ROBO1: variants seen among roughly 807,000 people sequenced by gnomAD.
ROBO1 encodes roundabout homolog 1.
Under a neutral mutation model 195.9 loss-of-function variants are expected in ROBO1, and 149 were observed. The observed-to-expected ratio is 0.76, with a 90% CI of 0.67 to 0.87. The LOEUF is 0.87. ROBO1 is among the 40% of genes least tolerant of loss of function. The pLI is 0.00. For missense variants in ROBO1, 1,933 were observed against 2,068.3 expected, an observed-to-expected ratio of 0.93 and a Z score of 1.27; for synonymous variants, 816 against 733.2, an observed-to-expected ratio of 1.11 and a Z score of -1.82.
At chr3:79,666,910 T>C (rs768888532) in intron 1 of ROBO1, among the ~76,000 whole-genome samples, 1 of 151,932 alleles carries the variant, frequency 6.6e-6, no homozygotes, top group Non-Finnish European at 1.5e-5. Flanking sequence ...ATAAACTAAC[T>C]TTATTTATAC....
intron 3 of ROBO1, among the ~76,000 whole-genome samples, chr3:78,971,090 C>A (rs574811984): frequency 6.6e-6 from 1 of 152,042 alleles, no homozygotes; most frequent in Non-Finnish European, 1.5e-5. Flanking sequence ...TGGGGAAATT[C>A]CTATTAAAAA....
At chr3:78,944,573 C>T (rs2040313503) in intron 3 of ROBO1, among the ~76,000 whole-genome samples, 1 of 152,228 alleles carries the variant, frequency 6.6e-6, no homozygotes, top group Non-Finnish European at 1.5e-5. Context: ...CGGTCTACAG[C>T]TCCCAGGGGG....
chr3:79,201,788 A>C (rs887040727), intron 2 of ROBO1, among the ~76,000 whole-genome samples: 2 of 151,790 alleles, frequency 1.3e-5, no homozygotes, highest in African/African-American at 4.8e-5. Flanking sequence ...AAACTACAGC[A>C]CTTAGCACCT....
At chr3:78,952,692 A>G (rs2040851871) in intron 3 of ROBO1, among the ~76,000 whole-genome samples, 1 of 152,006 alleles carries the variant, frequency 6.6e-6, no homozygotes, top group South Asian at 2.1e-4. Context: ...AACAGTCCAC[A>G]CTCTACAAAA....
chr3:78,867,416 T>C (rs893162333), intron 4 of ROBO1, among the ~76,000 whole-genome samples: 31 of 152,208 alleles, frequency 2.0e-4, no homozygotes, highest in Non-Finnish European at 3.8e-4. Flanking sequence ...TGATTTTTTT[T>C]CCCCTTCTAT....
chr3:79,117,140 G>C (rs185889319), intron 3 of ROBO1, among the ~76,000 whole-genome samples: 1 of 151,998 alleles, frequency 6.6e-6, no homozygotes, highest in Non-Finnish European at 1.5e-5. Flanking sequence ...GCCAAGGTGG[G>C]CGGATTGCCC....
intron 8 of ROBO1, among the ~76,000 whole-genome samples, chr3:78,710,760 C>T (rs2081664132): frequency 6.6e-6 from 1 of 152,180 alleles, no homozygotes. Context: ...CTTTAACACA[C>T]TTCTTCTACC....
chr3:78,599,168 G>C (rs1314967769), intron 30 of ROBO1, among the ~76,000 whole-genome samples: 1 of 152,048 alleles, frequency 6.6e-6, no homozygotes, highest in African/African-American at 2.4e-5. Context: ...GTGGGACACA[G>C]GGCTCTGAGA....
At chr3:78,901,289 T>C (rs1050802336) in intron 4 of ROBO1, among the ~76,000 whole-genome samples, 2 of 152,200 alleles carry the variant, frequency 1.3e-5, no homozygotes, top group Admixed American at 6.5e-5. Flanking sequence ...AGGAAGCTAA[T>C]TGACCCACGA....
At chr3:78,844,063 T>C (rs1009021915) in intron 4 of ROBO1, among the ~76,000 whole-genome samples, 1 of 152,124 alleles carries the variant, frequency 6.6e-6, no homozygotes, top group Non-Finnish European at 1.5e-5. Flanking sequence ...GAGAAATAAA[T>C]TGTGATCATT....
intron 2 of ROBO1, among the ~76,000 whole-genome samples, chr3:79,585,799 G>A (rs1358345901): frequency 6.6e-6 from 1 of 151,882 alleles, no homozygotes; most frequent in African/African-American, 2.4e-5. Context: ...CTTTTAAGAA[G>A]CATCTCAGGT....
intron 18 of ROBO1, among the ~76,000 whole-genome samples, chr3:78,652,917 C>T (rs866309849): frequency 2.0e-5 from 3 of 151,906 alleles, no homozygotes; most frequent in African/African-American, 7.3e-5. Context: ...AAGCAATATC[C>T]AATTCTGTTG....
chr3:79,290,867 T>A (rs1398023424), intron 2 of ROBO1, among the ~76,000 whole-genome samples: 2 of 152,282 alleles, frequency 1.3e-5, no homozygotes, highest in African/African-American at 4.8e-5. Context: ...CCCTATGCTG[T>A]CATCTAATTC....
At chr3:79,287,447 G>A (rs541427293) in intron 2 of ROBO1, among the ~76,000 whole-genome samples, 5 of 152,214 alleles carry the variant, frequency 3.3e-5, no homozygotes, top group African/African-American at 1.2e-4. Context: ...ATATTCTCAT[G>A]TTGATGGAGA....
chr3:78,884,648 A>AAAGGAAGGAAGGAAGGAAGGAAGGAAGG (rs780597106), intron 4 of ROBO1, among the ~76,000 whole-genome samples: 4 of 107,430 alleles, frequency 3.7e-5, no homozygotes, highest in Admixed American at 3.2e-4. Context: ...AGAAAGAAAG[A>AAAGGAAGGAAGGAAGGAAGGAAGGAAGG]AAGGAAGGAA....
chr3:78,884,929 T>C (rs940850254), intron 4 of ROBO1, among the ~76,000 whole-genome samples: 10 of 151,508 alleles, frequency 6.6e-5, no homozygotes, highest in Non-Finnish European at 1.2e-4. Flanking sequence ...TGAAACTCAA[T>C]TGCATTGCTT....
chr3:79,113,576 T>C (rs574572318), intron 3 of ROBO1, among the ~76,000 whole-genome samples: 1 of 152,194 alleles, frequency 6.6e-6, no homozygotes, highest in East Asian at 1.9e-4. Context: ...GAGTCCAGCC[T>C]GACCAACATG....
At chr3:79,626,271 C>G (rs962989704) in intron 1 of ROBO1, among the ~76,000 whole-genome samples, 3 of 151,966 alleles carry the variant, frequency 2.0e-5, no homozygotes, top group African/African-American at 7.3e-5. Flanking sequence ...ATGGTGAAAC[C>G]CTGTCTGTCC....
At chr3:79,494,052 A>T (rs1331909681) in intron 2 of ROBO1, among the ~76,000 whole-genome samples, 1 of 152,228 alleles carries the variant, frequency 6.6e-6, no homozygotes, top group Non-Finnish European at 1.5e-5. Flanking sequence ...TCTAAAAGTC[A>T]TGTAAGAATA....
Sources: gnomAD v4.1 joint callset for allele counts (sites outside exome capture counted in the v4.1 genomes callset) on GRCh38, gnomAD v4.1.1 for gene constraint, MANE v1.5 for transcripts, NCBI Gene and HGNC (gene_info 2026-07-23, HGNC 2026-07-21) for gene names.